Variants in ZFAND3 observed in about 807,000 individuals in gnomAD.
The protein encoded by ZFAND3 is AN1-type zinc finger protein 3.
ZFAND3 carries 10 observed loss-of-function variants against 29.6 expected under a neutral mutation model. The ratio of observed to expected loss-of-function variants is 0.34; its 90% confidence interval spans 0.21 to 0.57. ZFAND3 has a LOEUF of 0.57. Ranked by LOEUF, ZFAND3 falls within the 20% of genes least tolerant of loss-of-function variation. The probability of loss-of-function intolerance (pLI) is 0.86; values close to 1 mark genes in which losing one functional copy is unlikely to be tolerated. For missense variants in ZFAND3, 230 were observed against 304.5 expected (o/e 0.76, Z 1.82); for synonymous variants, 128 against 112.6 (o/e 1.14, Z -0.87).
chr6:38,055,290 T>C (rs1306634977), intron 2 of ZFAND3, among the ~76,000 whole-genome samples: 1 of 152,226 alleles, frequency 6.6e-6, no homozygotes, highest in Non-Finnish European at 1.5e-5. Flanking sequence ...CTGTGATTTA[T>C]AGTCAGATGG....
At chr6:37,823,865 C>T (rs540679637) in intron 1 of ZFAND3, among the ~76,000 whole-genome samples, 42 of 151,838 alleles carry the variant, frequency 2.8e-4, no homozygotes, top group Non-Finnish European at 5.4e-4. Flanking sequence ...AAGCTTGGCT[C>T]ACCGCAACCT....
intron 2 of ZFAND3, among the ~76,000 whole-genome samples, chr6:37,944,706 A>G (rs2842514): frequency 0.87 from 132,386 of 152,184 alleles, 58,399 homozygotes; most frequent in East Asian, 0.96. Flanking sequence ...GACAATACTA[A>G]GTATTTAATA....
chr6:38,095,771 C>T (rs1764965435), intron 4 of ZFAND3, among the ~76,000 whole-genome samples: 1 of 152,142 alleles, frequency 6.6e-6, no homozygotes. Context: ...TGGCTCATAC[C>T]TGTAATTCCC....
At chr6:37,982,093 A>G (rs990975595) in intron 2 of ZFAND3, among the ~76,000 whole-genome samples, 1 of 152,252 alleles carries the variant, frequency 6.6e-6, no homozygotes, top group African/African-American at 2.4e-5. Context: ...AAAGGAAGCA[A>G]TCAGATGTGC....
intron 2 of ZFAND3, among the ~76,000 whole-genome samples, chr6:37,973,942 A>G (rs1762433518): frequency 6.6e-6 from 1 of 152,236 alleles, no homozygotes; most frequent in Non-Finnish European, 1.5e-5. Flanking sequence ...TCAGAGAGAC[A>G]GCTTTAGTGA....
At chr6:38,001,519 C>G (rs1420995616) in intron 2 of ZFAND3, among the ~76,000 whole-genome samples, 1 of 152,204 alleles carries the variant, frequency 6.6e-6, no homozygotes, top group Non-Finnish European at 1.5e-5. Flanking sequence ...GCAACATAAA[C>G]TCTATTACAG....
At chr6:38,133,072 G>T (rs1222412804) in intron 5 of ZFAND3, among the ~76,000 whole-genome samples, 1 of 152,190 alleles carries the variant, frequency 6.6e-6, no homozygotes. Context: ...TCTCAGTGAG[G>T]CCCTCACAAA....
chr6:38,039,421 A>G (rs1381810382), intron 2 of ZFAND3, among the ~76,000 whole-genome samples: 3 of 152,168 alleles, frequency 2.0e-5, no homozygotes, highest in Non-Finnish European at 2.9e-5. Context: ...AACCTTTTCT[A>G]TACACATTTG....
chr6:37,853,512 A>G (rs1296466913), intron 1 of ZFAND3, among the ~76,000 whole-genome samples: 2 of 152,074 alleles, frequency 1.3e-5, no homozygotes, highest in African/African-American at 4.8e-5. Flanking sequence ...TACTACTAGA[A>G]TTCAGTAATA....
At chr6:37,902,737 CTTTTTTTT>C (rs11448512) in intron 1 of ZFAND3, among the ~76,000 whole-genome samples, 25 of 100,418 alleles carry the variant, frequency 2.5e-4, no homozygotes, top group African/African-American at 4.8e-4. Flanking sequence ...CTTTTACTTA[CTTTTTTTT>C]TTTTTTTTTT....
chr6:37,890,908 G>A (rs1405949238), intron 1 of ZFAND3, among the ~76,000 whole-genome samples: 1 of 152,200 alleles, frequency 6.6e-6, no homozygotes, highest in Admixed American at 6.5e-5. Context: ...AAATGGCAGA[G>A]CAGGCAGCTC....
chr6:37,972,305 T>C (rs1276363499), intron 2 of ZFAND3, among the ~76,000 whole-genome samples: 1 of 152,232 alleles, frequency 6.6e-6, no homozygotes, highest in East Asian at 1.9e-4. Context: ...TCTAAGAGCA[T>C]TAATTCACCA....
chr6:37,870,550 G>T lies in ZFAND3; in HGVS notation c.71+50534G>T, dbSNP rs568646168. Among the ~76,000 whole-genome samples the T allele has an allele frequency of 3.2e-3, 448 of 139,974 alleles. 3 individuals carry two copies. The highest frequency in any genetic ancestry group is 0.011 in the African/African-American group (428 of 37,322). 91.8% of individuals were successfully genotyped at this position (139,974 alleles called of 152,430 possible). On this transcript the variant is annotated intron_variant, in intron 1 of 5. Transcript: ENST00000287218. ...GGAGGTGGAGGTTGCAGTGAGCCAAGATAGCACCATTGCACTCCAGCCTTG... is the reference window on the plus strand; with the variant it reads ...GGAGGTGGAGGTTGCAGTGAGCCAATATAGCACCATTGCACTCCAGCCTTG...
At chr6:38,064,034 A>G (rs1184056544) in intron 3 of ZFAND3, among the ~76,000 whole-genome samples, 2 of 152,146 alleles carry the variant, frequency 1.3e-5, no homozygotes, top group Non-Finnish European at 2.9e-5. Context: ...TTTCAAGATC[A>G]TGTACTTACT....
chr6:37,993,594 T>G (rs1488943635), intron 2 of ZFAND3, among the ~76,000 whole-genome samples: 1 of 152,216 alleles, frequency 6.6e-6, no homozygotes, highest in Non-Finnish European at 1.5e-5. Context: ...CCCAAAGTGT[T>G]GGGATTACAG....
At chr6:37,977,903 C>CTTTCTTCCTT (rs1554164364) in intron 2 of ZFAND3, among the ~76,000 whole-genome samples, 3 of 116,638 alleles carry the variant, frequency 2.6e-5, no homozygotes, top group Non-Finnish European at 3.6e-5. Context: ...CTCTCCTCTC[C>CTTTCTTCCTT]TCTTCCTTTC....
chr6:37,938,658 T>C (rs1186300963), intron 2 of ZFAND3, among the ~76,000 whole-genome samples: 2 of 152,368 alleles, frequency 1.3e-5, no homozygotes, highest in East Asian at 3.9e-4. Flanking sequence ...CAGCCTTTTC[T>C]AATCTCTTAG....
At chr6:37,846,928 G>T (rs533670289) in intron 1 of ZFAND3, among the ~76,000 whole-genome samples, 66 of 151,986 alleles carry the variant, frequency 4.3e-4, no homozygotes, top group Non-Finnish European at 8.4e-4. Flanking sequence ...AGCCAGGATG[G>T]TCTTAATTTC....
At chr6:37,917,251 T>C (rs1181150214) in intron 1 of ZFAND3, among the ~76,000 whole-genome samples, 1 of 152,288 alleles carries the variant, frequency 6.6e-6, no homozygotes, top group East Asian at 1.9e-4. Context: ...TGATCATAGA[T>C]TTATAGAATG....
Sources: allele counts gnomAD v4.1 joint callset (sites outside exome capture counted in the v4.1 genomes callset), GRCh38; gene constraint gnomAD v4.1.1; transcripts MANE v1.5; gene names NCBI Gene and HGNC (gene_info 2026-07-23, HGNC 2026-07-21).